Variants in RECQL5 observed in about 807,000 individuals in gnomAD.
RECQL5 encodes RecQ like helicase 5, also known as ATP-dependent DNA helicase Q5.
A neutral mutation model predicts 103.4 loss-of-function variants in RECQL5; 88 were observed. That is an observed-to-expected ratio of 0.85 (90% CI 0.72 to 1.02). RECQL5 has a LOEUF of 1.02. Among genes scored for constraint, RECQL5 ranks in the 50% least tolerant of loss-of-function variants. The pLI is 0.00. For synonymous variants in RECQL5, 552 were observed against 507.9 expected, an observed-to-expected ratio of 1.09 and a Z score of -1.17; for missense variants, 1,232 against 1,284.3, an observed-to-expected ratio of 0.96 and a Z score of 0.62.
In RECQL5 at chr17:75,636,119, G is replaced by A. The variant is rs149241030; in HGVS notation, c.1230-4451C>T. On this transcript the variant is annotated intron_variant, in intron 8 of 19. Coordinates refer to ENST00000317905, the MANE Select transcript of RECQL5 (RefSeq NM_004259.7). This position sits in a 1 kb window ranked among gnomAD's most constrained non-coding sequence, Gnocchi z 5.4. ...GGCTGGGCAGCCTGGGCAGCAGGAG[G>A]GCCTGGTGGCAGCTGGGCTACACTC... Among the ~76,000 whole-genome samples the A allele has an allele frequency of 9.2e-5, 14 of 152,318 alleles. 1 individual carries two copies. Among genetic ancestry groups the A allele is most frequent in the South Asian group, 4.1e-4 (2 of 4,830 alleles).
rs760890830 is a variant in RECQL5, at chr17:75,627,375, T to C, written c.*47A>G. On this transcript the variant is annotated 3_prime_UTR_variant, in exon 20 of 20. Coordinates refer to ENST00000317905, the MANE Select transcript of RECQL5 (RefSeq NM_004259.7). ...AGCAGGTGAGGCCCAGGATGACCCA[T>C]GCTAGAATCTGGGGGAGGACGCGGG... is the stretch of plus-strand genomic sequence containing the variant. 3 of 1,401,826 alleles carry C rather than the reference T, an allele frequency of 2.1e-6. No individual in the cohort carries two copies. The highest frequency in any genetic ancestry group is 1.2e-5 in the South Asian group (1 of 86,954). 86.8% of individuals were successfully genotyped at this position (1,401,826 alleles called of 1,614,324 possible).
At chr17:75,635,386 G>A (rs917396982) in intron 8 of RECQL5, among the ~76,000 whole-genome samples, 3 of 152,188 alleles carry the variant, frequency 2.0e-5, no homozygotes, top group Non-Finnish European at 2.9e-5. Context: ...GACACGAGTG[G>A]ACAGGGTCTC....
At chr17:75,663,506 C>T (rs923499586) in intron 3 of RECQL5, among the ~76,000 whole-genome samples, 4 of 152,100 alleles carry the variant, frequency 2.6e-5, no homozygotes, top group African/African-American at 7.2e-5. Context: ...TGTGGAATCA[C>T]GTCAGCACTA....
intron 17 of RECQL5, 109 bp downstream of exon 17, chr17:75,628,563 G>A: frequency 1.3e-6 from 2 of 1,502,874 alleles, no homozygotes; most frequent in Non-Finnish European, 8.9e-7. Context: ...TCTGCTGCCA[G>A]GTGTGGAAAG....
Position 75,647,548 on chromosome 17 carries a change from G to A in RECQL5, c.1229+3638C>T, listed in dbSNP as rs893076824. On this transcript the variant is annotated intron_variant, in intron 8 of 19. Coordinates refer to ENST00000317905, the MANE Select transcript of RECQL5 (RefSeq NM_004259.7). ...TTCCACAGAAAACACTCAGTGTGAA[G>A]CGGGTGAAGAGGAGTGACCTGACTT... The A allele has an allele frequency of 1.3e-6, 2 of 1,550,236 alleles. No homozygotes were observed. Among genetic ancestry groups the A allele is most frequent in the East Asian group, 4.9e-5 (2 of 40,928 alleles).
At chr17:75,652,022 T>C (rs572595459) in intron 7 of RECQL5, among the ~76,000 whole-genome samples, 7 of 151,806 alleles carry the variant, frequency 4.6e-5, no homozygotes, top group African/African-American at 1.7e-4. Flanking sequence ...GGGTCAAGAG[T>C]TCGAGACCGG....
chr17:75,657,085 T>G (rs771611471), intron 7 of RECQL5, among the ~76,000 whole-genome samples: 20 of 152,088 alleles, frequency 1.3e-4, no homozygotes, highest in Admixed American at 1.1e-3. Flanking sequence ...TAAGTACTTA[T>G]AGGCTGGACA....
rs917072287 is a variant in RECQL5, at chr17:75,646,177, T to A, written c.1229+5009A>T. On this transcript the variant is annotated intron_variant, in intron 8 of 19. Coordinates refer to ENST00000317905, the MANE Select transcript of RECQL5 (RefSeq NM_004259.7). The stretch of plus-strand genomic sequence containing the variant: ...CAGACAAAGGCACCAATGGGAAGCC[T>A]CAGGGGGGGAGCAACACTTCCCCCA... 1.5e-3 allele frequency: 9 copies of A among 6,148 alleles called. No homozygotes were observed. The Admixed American group carries it at 0.029, about 20-fold the overall frequency. The allele number at this position is 6,148 out of a possible 1,614,324, so 0.4% of individuals were successfully genotyped here.
intron 8 of RECQL5, 137 bp downstream of exon 8, chr17:75,651,049 C>A (rs2059548645): frequency 1.3e-6 from 2 of 1,570,202 alleles, no homozygotes; most frequent in South Asian, 2.4e-5. Flanking sequence ...TCCACACTGC[C>A]CGACACAACA....
rs1351189228 is a variant in RECQL5 at position 75,640,837 on chromosome 17, T to C, written c.1230-9169A>G. On this transcript the variant is annotated intron_variant, in intron 8 of 19. Coordinates refer to ENST00000317905, the MANE Select transcript of RECQL5 (RefSeq NM_004259.7). This position sits in a 1 kb window ranked among gnomAD's most constrained non-coding sequence, Gnocchi z 4.6. ...TGATAGCCTGCAGCTGCTGCTGCAC[T>C]CACTGCTGCTGCCCTGAGCGGAGAG... 1.2e-5 allele frequency: 18 copies of C among 1,549,580 alleles called. No homozygotes were observed. In the East Asian group the frequency reaches 4.4e-4, roughly 38 times the overall value.
chr17:75,642,567 GA>G (rs2059446472), intron 8 of RECQL5, among the ~76,000 whole-genome samples: 2 of 152,180 alleles, frequency 1.3e-5, no homozygotes, highest in Non-Finnish European at 2.9e-5. Context: ...CAAAAGAAAA[GA>G]AATTCAAAAA....
At position 75,628,851 on chromosome 17, in the gene RECQL5, G is replaced by A. The variant is rs542715454; in HGVS notation, c.2489+83C>T. On this transcript the variant is annotated intron_variant, in intron 16 of 19. Transcript: ENST00000317905. The stretch of plus-strand genomic sequence containing the variant: ...CTAGGAGAGCCCATCTCAGGGGTGA[G>A]CTCTGAGCTTCAGACGCCCAGTGAG... 4 of 1,587,662 alleles carry A rather than the reference G, an allele frequency of 2.5e-6. No homozygotes were observed. The East Asian group carries it at 6.7e-5, about 27-fold the overall frequency.
Position 75,627,445 on chromosome 17 carries a change from C to T in RECQL5, c.2953G>A (p.Gly985Ser), listed in dbSNP as rs749285610. 62 of 1,613,484 alleles carry T rather than the reference C, an allele frequency of 3.8e-5. No homozygotes were observed. Among genetic ancestry groups the T allele is most frequent in the Admixed American group, 8.3e-5 (5 of 60,000 alleles). The change falls in exon 20 of 20, where the codon GGC becomes AGC. Residue 985 changes from glycine (G) to serine (S), a missense_variant. Gly to Ser is a moderately conservative substitution (Grantham distance 56, BLOSUM62 0). Coordinates refer to ENST00000317905, the MANE Select transcript of RECQL5 (RefSeq NM_004259.7). ...ARCESEADWH[G>S]LCGPQR Reference sequence around the variant, plus strand: ...GGTCATCTCTGGGGGCCACACAGGCCATGCCAGTCAGCTTCGCTCTCGCAC... The same window carrying T: ...GGTCATCTCTGGGGGCCACACAGGCTATGCCAGTCAGCTTCGCTCTCGCAC...
At chr17:75,647,587 A>G in intron 8 of RECQL5, 1 of 1,548,926 alleles carries the variant, frequency 6.5e-7, no homozygotes, top group Non-Finnish European at 8.7e-7. Flanking sequence ...GGGGACTGAG[A>G]TGGCAGCAGG....
At position 75,645,810 on chromosome 17, in the gene RECQL5, C is replaced by T. The variant is rs112148366; in HGVS notation, c.1229+5376G>A. 4.0e-3 allele frequency among the ~76,000 whole-genome samples: 612 copies of T among 152,316 alleles called. 7 individuals carry two copies. The highest frequency in any genetic ancestry group is 0.014 in the African/African-American group (589 of 41,568). On this transcript the variant is annotated intron_variant, in intron 8 of 19. Transcript: ENST00000317905. ...ATCACCTGGGGATGTGTAAACAATA[C>T]GACATCCTGGCAACCCCAGAGACTG... is the stretch of plus-strand genomic sequence containing the variant.
chr17:75,640,694 G>A lies in RECQL5; in HGVS notation c.1230-9026C>T. The A allele has an allele frequency of 6.7e-7, 1 of 1,497,128 alleles. No homozygotes were observed. The highest frequency in any genetic ancestry group is 8.9e-7 in the Non-Finnish European group (1 of 1,119,512). 92.7% of individuals were successfully genotyped at this position (1,497,128 alleles called of 1,614,324 possible). ...TTTCTGACCTCCACCAAACCTGTGGGGGAAAGACCCTGGCAGGCAGTGGGT... is the reference window on the plus strand; with the variant it reads ...TTTCTGACCTCCACCAAACCTGTGGAGGAAAGACCCTGGCAGGCAGTGGGT... On this transcript the variant is annotated intron_variant, in intron 8 of 19. Coordinates refer to ENST00000317905, the MANE Select transcript of RECQL5 (RefSeq NM_004259.7). The surrounding 1 kb of genome is among the most constrained non-coding windows in gnomAD (Gnocchi z 4.6).
intron 6 of RECQL5, among the ~76,000 whole-genome samples, chr17:75,658,745 A>C (rs1247197912): frequency 2.6e-5 from 4 of 152,240 alleles, no homozygotes. Context: ...GACCTAAAGA[A>C]ACAAAATGAG....
chr17:75,633,992 G>A (rs571254892), intron 8 of RECQL5: 24 of 985,368 alleles, frequency 2.4e-5, no homozygotes, highest in Non-Finnish European at 2.9e-5. Flanking sequence ...GGGCTTCCTC[G>A]GGCTCCCCCT....
intron 8 of RECQL5, among the ~76,000 whole-genome samples, 174 bp from the exon 9 acceptor site, chr17:75,631,842 T>C (rs2059222104): frequency 6.6e-6 from 1 of 152,238 alleles, no homozygotes; most frequent in African/African-American, 2.4e-5. Flanking sequence ...CTCTCCCCAC[T>C]ACACAGATGA....
Sources: allele counts gnomAD v4.1 joint callset (sites outside exome capture counted in the v4.1 genomes callset), GRCh38; gene constraint gnomAD v4.1.1; non-coding constraint Gnocchi (gnomAD v3.1); transcripts MANE v1.5; gene names NCBI Gene and HGNC (gene_info 2026-07-23, HGNC 2026-07-21).